AGFG2: variants seen among roughly 807,000 people sequenced by gnomAD.
The protein encoded by AGFG2 is ArfGAP with FG repeats 2.
AGFG2 carries 31 observed loss-of-function variants against 48.0 expected under a neutral mutation model. The ratio of observed to expected loss-of-function variants is 0.65; its 90% CI spans 0.49 to 0.87. AGFG2 has a LOEUF of 0.87. AGFG2 is among the 40% of genes least tolerant of loss of function. The pLI, the probability that AGFG2 is intolerant of heterozygous loss-of-function variation, is 0.00. For synonymous variants in AGFG2, 229 were observed against 260.8 expected, an observed-to-expected ratio of 0.88 and a Z score of 1.18; for missense variants, 599 against 632.6, an observed-to-expected ratio of 0.95 and a Z score of 0.57.
At chr7:100,553,918 A>G (rs1468978188) in intron 4 of AGFG2, among the ~76,000 whole-genome samples, 175 bp from the exon 5 acceptor site, 2 of 152,150 alleles carry the variant, frequency 1.3e-5, no homozygotes, top group African/African-American at 4.8e-5. Flanking sequence ...GATGAGGATG[A>G]TATGAGCTCT....
At chr7:100,563,138 A>G (rs571762009) in intron 9 of AGFG2, among the ~76,000 whole-genome samples, 192 bp downstream of exon 9, 1 of 152,192 alleles carries the variant, frequency 6.6e-6, no homozygotes, top group African/African-American at 2.4e-5. Flanking sequence ...TTAGAAGCAC[A>G]CAGGTGGCTA....
At chr7:100,543,747 G>A (rs1280239016) in intron 1 of AGFG2, among the ~76,000 whole-genome samples, 3 of 152,142 alleles carry the variant, frequency 2.0e-5, no homozygotes, top group African/African-American at 4.8e-5. Flanking sequence ...TTTCTCAGCT[G>A]TAGCAAAAAC....
At chr7:100,557,808 C>T (rs1165656877) in intron 6 of AGFG2, among the ~76,000 whole-genome samples, 1 of 151,958 alleles carries the variant, frequency 6.6e-6, no homozygotes, top group African/African-American at 2.4e-5. Flanking sequence ...AGAGAAGATA[C>T]AACATGGAAA....
chr7:100,564,059 C>A (rs1800942879), intron 10 of AGFG2, 97 bp downstream of exon 10: 4 of 1,564,598 alleles, frequency 2.6e-6, no homozygotes, highest in Middle Eastern at 2.3e-4. Context: ...CCATGCAGTG[C>A]CCTTTCTGAC....
rs565190793 is a variant in AGFG2 at position 100,562,096 on chromosome 7, G to GA, written c.878-161dup. 3.6e-4 allele frequency among the ~76,000 whole-genome samples: 55 copies of GA among 152,040 alleles called. No individual in the cohort carries two copies. The highest frequency in any genetic ancestry group is 5.0e-4 in the Non-Finnish European group (34 of 67,946). ...CTCTTGGTGGGAGACAAGACCTCCT[G>GA]AACTGGGTGGTCCCTGAGAAAATGG... On this transcript the variant is annotated intron_variant, in intron 6 of 11. Coordinates refer to ENST00000300176, the MANE Select transcript of AGFG2 (RefSeq NM_006076.5). The surrounding 1 kb of genome is among the most constrained non-coding windows in gnomAD (Gnocchi z 5.4).
chr7:100,551,885 CAAAAAAA>C (rs59484677), intron 3 of AGFG2, among the ~76,000 whole-genome samples: 30 of 16,852 alleles, frequency 1.8e-3, no homozygotes, highest in African/African-American at 6.4e-3. Flanking sequence ...GAGACTGTCT[CAAAAAAA>C]AAAAAAAAAA....
In AGFG2 at chr7:100,563,755, C is replaced by T. The variant is rs896789365; in HGVS notation, c.1172-79C>T. The T allele has an allele frequency of 1.9e-6, 3 of 1,582,694 alleles. No individual in the cohort carries two copies. The Admixed American group carries it at 5.5e-5, about 29-fold the overall frequency. On this transcript the variant is annotated intron_variant, in intron 9 of 11. Coordinates refer to ENST00000300176, the MANE Select transcript of AGFG2 (RefSeq NM_006076.5). ...AAAAAACTATATCCCATTTTCCCAT[C>T]TTGGAGGGACTTAGGAAAAACAGTT...
chr7:100,564,101 G>A (rs901879581), intron 10 of AGFG2, 117 bp from the exon 11 acceptor site: 48 of 1,528,564 alleles, frequency 3.1e-5, no homozygotes, highest in African/African-American at 6.8e-5. Context: ...CACCAGACCC[G>A]CCCGGGTACT....
chr7:100,553,321 T>C, intron 3 of AGFG2, 26 bp from the exon 4 acceptor site: 1 of 1,613,998 alleles, frequency 6.2e-7, no homozygotes, highest in Non-Finnish European at 8.5e-7. Flanking sequence ...TCCCTCTCTT[T>C]ACAGCCTAAC....
chr7:100,540,752 G>T (rs1800407325), intron 1 of AGFG2, among the ~76,000 whole-genome samples: 1 of 151,990 alleles, frequency 6.6e-6, no homozygotes, highest in African/African-American at 2.4e-5. Context: ...TGTGGCTCAC[G>T]CCTGTAATCC....
rs1227487769 is a variant in AGFG2, at chr7:100,553,327, C to T, written c.432-20C>T. The T allele has an allele frequency of 1.9e-6, 3 of 1,613,916 alleles. No homozygotes were observed. The highest frequency in any genetic ancestry group is 1.3e-5 in the African/African-American group (1 of 74,916). On this transcript the variant is annotated intron_variant, in intron 3 of 11. Transcript: ENST00000300176. ...AAAGTTTTATCCCTCTCTTTACAGC[C>T]TAACTATTCTTTCTCAAAGGTATGT...
At chr7:100,542,419 C>T (rs191080084) in intron 1 of AGFG2, among the ~76,000 whole-genome samples, 196 of 152,276 alleles carry the variant, frequency 1.3e-3, no homozygotes, top group Non-Finnish European at 1.9e-3. Context: ...AGAAGCTAGA[C>T]CAACCCTTTG....
rs1450091931 is a variant in AGFG2 at position 100,555,724 on chromosome 7, C to T, written c.866C>T (p.Pro289Leu). Reference sequence around the variant, plus strand: ...GGTCAAGCCTCGTTCCAGGCCCAGCCAACTCCTGCAGGTAAACTCTGCCCC... The same window carrying T: ...GGTCAAGCCTCGTTCCAGGCCCAGCTAACTCCTGCAGGTAAACTCTGCCCC... ...PAGQASFQAQ[P>L]TPAGSSQGTP... The change falls in exon 6 of 12, where the codon CCA (proline) becomes CTA (leucine). Residue 289 changes from proline (P) to leucine (L), a missense_variant. By Grantham distance (98) the Pro-to-Leu change is moderately conservative. Transcript: ENST00000300176. 6.2e-7 allele frequency: 1 copy of T among 1,614,096 alleles called. No homozygotes were observed. The highest frequency in any genetic ancestry group is 1.7e-5 in the Admixed American group (1 of 60,024).
intron 1 of AGFG2, among the ~76,000 whole-genome samples, chr7:100,539,803 G>A (rs559746722): frequency 3.3e-5 from 5 of 152,200 alleles, no homozygotes; most frequent in East Asian, 3.9e-4. Context: ...GGGTACGGGT[G>A]CAGAAAGACG....
rs1801052552 is a variant in AGFG2, at chr7:100,568,011, T to G, written c.*3020T>G. The G allele has an allele frequency of 6.6e-6, 1 of 152,658 alleles. No homozygotes were observed. The highest frequency in any genetic ancestry group is 6.5e-5 in the Admixed American group (1 of 15,278). 9.5% of individuals were successfully genotyped at this position (152,658 alleles called of 1,614,324 possible). A position where few individuals can be genotyped will look rare whatever the true frequency, so the allele number is the denominator to read the frequency against. On this transcript the variant is annotated 3_prime_UTR_variant, in exon 12 of 12. Coordinates refer to ENST00000300176, the MANE Select transcript of AGFG2 (RefSeq NM_006076.5). ...CATTGATCAGCACCCACCCCACCCC[T>G]GAGGCTTGCCCAGCCCCCAGGCCCT...
chr7:100,549,919 C>A (rs770223185), intron 2 of AGFG2, among the ~76,000 whole-genome samples: 2 of 152,112 alleles, frequency 1.3e-5, no homozygotes, highest in African/African-American at 4.8e-5. Context: ...CTTGAACTCC[C>A]GTACTCAAGT....
At position 100,567,052 on chromosome 7, in the gene AGFG2, A is replaced by G. The variant is rs1334137487; in HGVS notation, c.*2061A>G. ...TGCTGTCTCCCGGCATCTCCTCACT[A>G]TCTGGGTCCAGGCCCGGGTCCTCCC... On this transcript the variant is annotated 3_prime_UTR_variant, in exon 12 of 12. Transcript: ENST00000300176. 6.6e-6 allele frequency: 1 copy of G among 152,496 alleles called. No homozygotes were observed. The highest frequency in any genetic ancestry group is 6.6e-5 in the Admixed American group (1 of 15,264). 9.4% of individuals were successfully genotyped at this position (152,496 alleles called of 1,614,324 possible). A position where few individuals can be genotyped will look rare whatever the true frequency, so the allele number is the denominator to read the frequency against.
Position 100,553,442 on chromosome 7 carries a change from G to A in AGFG2, c.527G>A (p.Arg176Gln), listed in dbSNP as rs754225578. Residue 176 changes from arginine (R) to glutamine (Q), a missense_variant, in exon 4 of 12, where the codon CGG (arginine) becomes CAG (glutamine). Coordinates refer to ENST00000300176, the MANE Select transcript of AGFG2 (RefSeq NM_006076.5). ...TCCATCCCAGAAGGGAAGCCCCTTCGGACACTTCTGGGTGATCCTGCACCG... is the reference window on the plus strand; with the variant it reads ...TCCATCCCAGAAGGGAAGCCCCTTCAGACACTTCTGGGTGATCCTGCACCG... ...QGSIPEGKPLRTLLGDPAPSL... is the reference protein window; with the variant it reads ...QGSIPEGKPLQTLLGDPAPSL... 9 of 1,614,090 alleles carry A rather than the reference G, an allele frequency of 5.6e-6. No homozygotes were observed. Among genetic ancestry groups the A allele is most frequent in the East Asian group, 2.2e-5 (1 of 44,876 alleles).
At chr7:100,559,005 G>A (rs188511716) in intron 6 of AGFG2, among the ~76,000 whole-genome samples, 9 of 152,166 alleles carry the variant, frequency 5.9e-5, no homozygotes, top group Admixed American at 3.3e-4. Context: ...ATGGTGGTGC[G>A]TGACTGTAGT....
Sources: gnomAD v4.1 joint callset for allele counts (sites outside exome capture counted in the v4.1 genomes callset) on GRCh38, gnomAD v4.1.1 for gene constraint, Gnocchi (gnomAD v3.1) non-coding constraint, MANE v1.5 for transcripts, NCBI Gene and HGNC (gene_info 2026-07-23, HGNC 2026-07-21) for gene names.